The following FGFR2 variants were observed in gnomAD, a reference collection of about 807,000 sequenced individuals.
FGFR2 encodes the protein BEK fibroblast growth factor receptor.
A neutral mutation model predicts 95.9 loss-of-function variants in FGFR2; 19 were observed. The observed-to-expected ratio is 0.20, with a 90% confidence interval of 0.14 to 0.29. The LOEUF (loss-of-function observed/expected upper bound fraction) is 0.29. Among genes scored for constraint, FGFR2 ranks in the 10% least tolerant of loss-of-function variants. The pLI is 1.00. For missense variants in FGFR2, 707 were observed against 1,056.9 expected, an observed-to-expected ratio of 0.67 and a Z score of 4.59; for synonymous variants, 392 against 393.3, an observed-to-expected ratio of 1.00 and a Z score of 0.04.
intron 2 of FGFR2, among the ~76,000 whole-genome samples, chr10:121,578,943 G>C (rs1272060473): frequency 6.6e-6 from 1 of 152,240 alleles, no homozygotes; most frequent in Non-Finnish European, 1.5e-5. Context: ...TTCTGGGTCA[G>C]TAGGCCTGCA....
intron 9 of FGFR2, among the ~76,000 whole-genome samples, chr10:121,511,615 C>G (rs746155569): frequency 6.6e-6 from 1 of 152,198 alleles, no homozygotes; most frequent in Non-Finnish European, 1.5e-5. Context: ...TCTCATTTAA[C>G]TCGCTGGGCA....
At chr10:121,489,420 T>C (rs1312386691) in intron 13 of FGFR2, among the ~76,000 whole-genome samples, 1 of 152,146 alleles carries the variant, frequency 6.6e-6, no homozygotes, top group Non-Finnish European at 1.5e-5. Context: ...TGCCTCTCTG[T>C]CTCTCCCTGC....
At chr10:121,537,510 A>G (rs1853025184) in intron 6 of FGFR2, among the ~76,000 whole-genome samples, 1 of 152,118 alleles carries the variant, frequency 6.6e-6, no homozygotes, top group African/African-American at 2.4e-5. Flanking sequence ...CTCCCTCTTC[A>G]AAGATGTTTT....
rs751395138 is a variant in FGFR2, at chr10:121,538,620, G to C, written c.720C>G (p.Ile240Met). 1 of 1,614,150 alleles carries C rather than the reference G, an allele frequency of 6.2e-7. No homozygotes were observed. The highest frequency in any genetic ancestry group is 1.1e-5 in the South Asian group (1 of 91,080). The change falls in exon 6 of 18, where the codon ATC becomes ATG. Residue 240 changes from isoleucine (I) to methionine (M), a missense_variant. Coordinates refer to ENST00000358487, the MANE Select transcript of FGFR2 (RefSeq NM_000141.5). ...CAACATCCAGGTGGTACGTGTGATT[G>C]ATGGACCCGTATTCATTCTCCACTA... ...TCVVENEYGS[I>M]NHTYHLDVVE...
intron 6 of FGFR2, among the ~76,000 whole-genome samples, chr10:121,528,692 C>G (rs1851703505): frequency 6.6e-6 from 1 of 152,156 alleles, no homozygotes; most frequent in South Asian, 2.1e-4. Flanking sequence ...AGATGAAACT[C>G]AGAAACTGAA....
rs771065999 is a variant in FGFR2, at chr10:121,565,478, A to T, written c.336T>A (p.Thr112=). Residue 112 remains threonine, a synonymous_variant, in exon 3 of 18, where the codon ACT becomes ACA. Coordinates refer to ENST00000358487, the MANE Select transcript of FGFR2 (RefSeq NM_000141.5). ...TGAAGTACCAAGTTTCACTGTCTAC[A>T]GTCCTACTGGCAGTACAAGCATAGA... ...SGLYACTASR[T]VDSETWYFMV... is the part of the protein sequence containing the mutation. The T allele has an allele frequency of 6.2e-7, 1 of 1,614,216 alleles. No homozygotes were observed. Among genetic ancestry groups the T allele is most frequent in the South Asian group, 1.1e-5 (1 of 91,082 alleles).
In FGFR2 at chr10:121,517,553, G is replaced by T; in HGVS notation, c.940-90C>A. On this transcript the variant is annotated intron_variant, in intron 7 of 17. Transcript: ENST00000358487. This position sits in a 1 kb window ranked among gnomAD's most constrained non-coding sequence, Gnocchi z 4.7. Reference sequence around the variant, plus strand: ...GGAACCACAAGGCGTCGCACCGGGGGCTTCAGGGGGTGCTGGCCACTGGGA... The same window carrying T: ...GGAACCACAAGGCGTCGCACCGGGGTCTTCAGGGGGTGCTGGCCACTGGGA... 6.7e-7 allele frequency: 1 copy of T among 1,499,800 alleles called. No homozygotes were observed. Among genetic ancestry groups the T allele is most frequent in the African/African-American group, 1.4e-5 (1 of 72,806 alleles). The allele number at this position is 1,499,800 out of a possible 1,614,324, so 92.9% of individuals were successfully genotyped here.
At chr10:121,562,088 A>G (rs1857065368) in intron 4 of FGFR2, among the ~76,000 whole-genome samples, 1 of 152,208 alleles carries the variant, frequency 6.6e-6, no homozygotes, top group African/African-American at 2.4e-5. Flanking sequence ...GTGGGAATAC[A>G]AAATGGTGCA....
intron 5 of FGFR2, among the ~76,000 whole-genome samples, chr10:121,541,810 G>A (rs148078144): frequency 6.6e-5 from 10 of 152,236 alleles, no homozygotes; most frequent in South Asian, 2.1e-4. Flanking sequence ...AATTGAGAAT[G>A]GGAACATAAA....
chr10:121,547,171 C>A (rs1854643661), intron 5 of FGFR2, among the ~76,000 whole-genome samples: 1 of 152,150 alleles, frequency 6.6e-6, no homozygotes, highest in South Asian at 2.1e-4. Flanking sequence ...TTACAGTGTG[C>A]TGAGATCATG....
At chr10:121,498,356 T>A in intron 12 of FGFR2, 139 bp downstream of exon 12, 1 of 705,674 alleles carries the variant, frequency 1.4e-6, no homozygotes, top group Non-Finnish European at 2.6e-6. Context: ...AGGAACATCT[T>A]CCAATGGGGA....
At chr10:121,538,809 C>T (rs2134614462) in intron 5 of FGFR2, 94 bp from the exon 6 acceptor site, 3 of 1,543,576 alleles carry the variant, frequency 1.9e-6, no homozygotes, top group Middle Eastern at 1.7e-4. Flanking sequence ...CTGAAGGAGG[C>T]AAGAAAGGTA....
At chr10:121,484,650 C>A (rs956811805) in intron 16 of FGFR2, among the ~76,000 whole-genome samples, 1 of 152,172 alleles carries the variant, frequency 6.6e-6, no homozygotes. Context: ...AGACTCCTTT[C>A]AAAGCACTGA....
chr10:121,510,557 G>A (rs1433098270), intron 9 of FGFR2, among the ~76,000 whole-genome samples: 1 of 152,084 alleles, frequency 6.6e-6, no homozygotes, highest in Non-Finnish European at 1.5e-5. Context: ...GGCAGTAAAC[G>A]AGCTTCTGGG....
rs377043506 is a variant in FGFR2 at position 121,500,802 on chromosome 10, C to A, written c.1561+24G>T. On this transcript the variant is annotated intron_variant, in intron 11 of 17. Transcript: ENST00000358487. The stretch of plus-strand genomic sequence containing the variant: ...TAAGACTCTCCACCCAGCCCCTCCC[C>A]GAGCCTCCCGCCTCCCCGCTCACCT... 3.8e-5 allele frequency: 61 copies of A among 1,613,044 alleles called. No homozygotes were observed. In the African/African-American group the frequency reaches 7.9e-4, roughly 21 times the overall value.
At chr10:121,520,796 C>T (rs1189486550) in intron 6 of FGFR2, among the ~76,000 whole-genome samples, 2 of 152,198 alleles carry the variant, frequency 1.3e-5, no homozygotes, top group Non-Finnish European at 2.9e-5. Context: ...GCAACCGCCA[C>T]CACGCCCAGC....
chr10:121,486,031 G>T (rs1845365819), intron 15 of FGFR2, among the ~76,000 whole-genome samples: 1 of 152,188 alleles, frequency 6.6e-6, no homozygotes, highest in Non-Finnish European at 1.5e-5. Flanking sequence ...ACTGGGCTGG[G>T]GTTAGGATGA....
rs573135384 is a variant in FGFR2, at chr10:121,595,865, G to A, written c.-150-1898C>T. ...AAGCCGTTCCATCATCCCGCTAGCT[G>A]GCACTAGAAATTTGCATTTCAGCCA... On this transcript the variant is annotated intron_variant, in intron 1 of 17. Transcript: ENST00000358487. Among the ~76,000 whole-genome samples the A allele has an allele frequency of 7.9e-4, 120 of 152,330 alleles. 1 individual carries two copies. The highest frequency in any genetic ancestry group is 2.8e-3 in the African/African-American group (118 of 41,578).
At chr10:121,576,552 C>T (rs951593275) in intron 2 of FGFR2, among the ~76,000 whole-genome samples, 9 of 152,120 alleles carry the variant, frequency 5.9e-5, no homozygotes, top group African/African-American at 2.2e-4. Context: ...CCTTTAATGA[C>T]CCAATCTTAG....
Sources: allele counts gnomAD v4.1 joint callset (sites outside exome capture counted in the v4.1 genomes callset), GRCh38; gene constraint gnomAD v4.1.1; non-coding constraint Gnocchi (gnomAD v3.1); transcripts MANE v1.5; gene names NCBI Gene and HGNC (gene_info 2026-07-23, HGNC 2026-07-21).